The following PTH2R variants were observed in gnomAD, a reference collection of about 807,000 sequenced individuals.
PTH2R encodes PTH2 receptor.
In PTH2R, 59 loss-of-function variants were observed where a neutral mutation model predicts 60.3. The observed-to-expected ratio is 0.98, with a 90% CI of 0.79 to 1.22. The LOEUF (loss-of-function observed/expected upper bound fraction) is 1.22. Among genes scored for constraint, PTH2R ranks in the 50% most tolerant of loss-of-function variants. The pLI, the probability that PTH2R is intolerant of heterozygous loss-of-function variation, is 0.00. For synonymous variants in PTH2R, 256 were observed against 243.8 expected, an observed-to-expected ratio of 1.05 and a Z score of -0.47; for missense variants, 749 against 682.6, an observed-to-expected ratio of 1.10 and a Z score of -1.08.
intron 10 of PTH2R, among the ~76,000 whole-genome samples, chr2:208,485,227 C>T (rs980989855): frequency 7.2e-5 from 11 of 152,140 alleles, no homozygotes; most frequent in Non-Finnish European, 1.3e-4. Context: ...AGAGACATCA[C>T]CTAGGGAGAG....
intron 1 of PTH2R, among the ~76,000 whole-genome samples, chr2:208,391,587 T>C (rs1238412460): frequency 1.3e-5 from 2 of 152,196 alleles, no homozygotes; most frequent in Non-Finnish European, 2.9e-5. Flanking sequence ...GGTTAAAAGA[T>C]GAGTTTTAGC....
intron 1 of PTH2R, among the ~76,000 whole-genome samples, chr2:208,380,038 C>T (rs1418642037): frequency 1.3e-5 from 2 of 152,064 alleles, no homozygotes; most frequent in African/African-American, 4.8e-5. Context: ...GGCATGACCC[C>T]AGGAGCCAAG....
chr2:208,445,655 A>G (rs1417369261), intron 7 of PTH2R, among the ~76,000 whole-genome samples: 1 of 152,162 alleles, frequency 6.6e-6, no homozygotes, highest in Non-Finnish European at 1.5e-5. Flanking sequence ...ATAGGAAAAA[A>G]ATTCACTAAG....
At chr2:208,457,409 T>C (rs1310469477) in intron 8 of PTH2R, among the ~76,000 whole-genome samples, 1 of 152,228 alleles carries the variant, frequency 6.6e-6, no homozygotes, top group East Asian at 1.9e-4. Context: ...GCATTTCATT[T>C]TGGCTGGACC....
chr2:208,471,863 C>T (rs1264916016), intron 9 of PTH2R, among the ~76,000 whole-genome samples: 1 of 152,224 alleles, frequency 6.6e-6, no homozygotes, highest in Non-Finnish European at 1.5e-5. Flanking sequence ...CTATACCCTG[C>T]AAAGCCAAAA....
chr2:208,449,164 G>T (rs1702348403), intron 7 of PTH2R, among the ~76,000 whole-genome samples: 1 of 152,180 alleles, frequency 6.6e-6, no homozygotes, highest in Non-Finnish European at 1.5e-5. Flanking sequence ...GTCAGGCCAT[G>T]TGGTAGAATC....
At chr2:208,473,799 CT>C (rs1702936627) in intron 9 of PTH2R, among the ~76,000 whole-genome samples, 1 of 151,968 alleles carries the variant, frequency 6.6e-6, no homozygotes, top group Non-Finnish European at 1.5e-5. Flanking sequence ...ATGTAGGTAC[CT>C]TACAATCATT....
chr2:208,381,447 G>T (rs1317467270), intron 1 of PTH2R, among the ~76,000 whole-genome samples: 2 of 151,854 alleles, frequency 1.3e-5, no homozygotes, highest in East Asian at 3.9e-4. Context: ...TAGACACAGG[G>T]TCCTGCTCTC....
At chr2:208,466,084 T>G (rs1014374090) in intron 9 of PTH2R, among the ~76,000 whole-genome samples, 1 of 152,204 alleles carries the variant, frequency 6.6e-6, no homozygotes, top group Non-Finnish European at 1.5e-5. Context: ...TTCTATTCCC[T>G]ATTTTTTCAC....
At chr2:208,461,966 A>C (rs1702643811) in intron 9 of PTH2R, among the ~76,000 whole-genome samples, 1 of 152,218 alleles carries the variant, frequency 6.6e-6, no homozygotes, top group Non-Finnish European at 1.5e-5. Flanking sequence ...CATCTTCTTG[A>C]GCTAAAATTA....
chr2:208,443,345 T>C lies in PTH2R; in HGVS notation c.510-3T>C, dbSNP rs1240540691. On this transcript the variant is annotated splice_region_variant and splice_polypyrimidine_tract_variant and intron_variant, in intron 5 of 12. Transcript: ENST00000272847. ...TTTAAATACTGAATATTTCTCTCCG[T>C]AGACGATTGCATTGCACTAGGAACT... 1 of 1,542,902 alleles carries C rather than the reference T, an allele frequency of 6.5e-7. No homozygotes were observed. The highest frequency in any genetic ancestry group is 8.7e-7 in the Non-Finnish European group (1 of 1,147,276).
chr2:208,377,354 G>A (rs1700813579), intron 1 of PTH2R, among the ~76,000 whole-genome samples: 1 of 151,946 alleles, frequency 6.6e-6, no homozygotes, highest in Non-Finnish European at 1.5e-5. Flanking sequence ...AACCGCCATC[G>A]TCATCATGGC....
chr2:208,493,585 G>A lies in PTH2R; in HGVS notation c.1579G>A (p.Glu527Lys). Residue 527 changes from glutamate (E) to lysine (K), a missense_variant, in exon 13 of 13, where the codon GAG becomes AAG. Coordinates refer to ENST00000272847, the MANE Select transcript of PTH2R (RefSeq NM_005048.4). Reference sequence around the variant, plus strand: ...GAGGCAGGGAGATGATATTCTAATGGAGAAGCCTTCCAGGCCTATGGAATC... The same window carrying A: ...GAGGCAGGGAGATGATATTCTAATGAAGAAGCCTTCCAGGCCTATGGAATC... The part of the protein sequence containing the change: ...SGRQGDDILM[E>K]KPSRPMESNP... The A allele has an allele frequency of 6.2e-7, 1 of 1,611,598 alleles. No individual in the cohort carries two copies. The highest frequency in any genetic ancestry group is 8.5e-7 in the Non-Finnish European group (1 of 1,178,606).
In PTH2R at chr2:208,430,546, CTT is replaced by C. The variant is rs760898660; in HGVS notation, c.178+2260_178+2261del. On this transcript the variant is annotated intron_variant, in intron 2 of 12. Transcript: ENST00000272847. The stretch of plus-strand genomic sequence containing the variant: ...GTGATTAGCTTTTTCTGTCTGGCTT[CTT>C]TTTTTTTTTTTTTTTTGAGACGGAG... 9.3e-5 allele frequency among the ~76,000 whole-genome samples: 11 copies of C among 118,222 alleles called. No homozygotes were observed. The South Asian group carries it at 2.0e-3, about 21-fold the overall frequency. 77.6% of individuals were successfully genotyped at this position (118,222 alleles called of 152,430 possible).
At chr2:208,415,361 CA>C (rs1701618888) in intron 1 of PTH2R, among the ~76,000 whole-genome samples, 1 of 152,116 alleles carries the variant, frequency 6.6e-6, no homozygotes. Flanking sequence ...TTTCAGTGTT[CA>C]TAAAATTTTA....
chr2:208,462,377 A>G (rs1437286449), intron 9 of PTH2R, among the ~76,000 whole-genome samples: 1 of 152,212 alleles, frequency 6.6e-6, no homozygotes, highest in East Asian at 1.9e-4. Flanking sequence ...AGACAAGAAG[A>G]TACACCTCAA....
At chr2:208,484,849 G>A (rs992207740) in intron 10 of PTH2R, among the ~76,000 whole-genome samples, 1 of 152,144 alleles carries the variant, frequency 6.6e-6, no homozygotes, top group Admixed American at 6.5e-5. Flanking sequence ...TTGGCAATGG[G>A]ATAATAATAG....
chr2:208,399,973 T>C (rs1701277921), intron 1 of PTH2R, among the ~76,000 whole-genome samples: 1 of 152,174 alleles, frequency 6.6e-6, no homozygotes, highest in African/African-American at 2.4e-5. Context: ...CAGCCCTTTT[T>C]ACTGATACTC....
intron 8 of PTH2R, among the ~76,000 whole-genome samples, chr2:208,452,380 TC>T (rs750893029): frequency 6.6e-6 from 1 of 152,254 alleles, no homozygotes; most frequent in Non-Finnish European, 1.5e-5. Context: ...TTCTTTGGCT[TC>T]ATTAATTTGT....
Sources: allele counts gnomAD v4.1 joint callset (sites outside exome capture counted in the v4.1 genomes callset), GRCh38; gene constraint gnomAD v4.1.1; transcripts MANE v1.5; gene names NCBI Gene and HGNC (gene_info 2026-07-23, HGNC 2026-07-21).